The following MMP16 variants were observed in gnomAD, a reference collection of about 807,000 sequenced individuals.
MMP16 encodes matrix metalloproteinase-16.
Under a neutral mutation model 67.8 loss-of-function variants are expected in MMP16, and 12 were observed. The observed-to-expected ratio is 0.18, with a 90% confidence interval of 0.11 to 0.29. The LOEUF (loss-of-function observed/expected upper bound fraction) is 0.29, where lower values mean the gene tolerates loss of function less well. MMP16 is among the 10% of genes least tolerant of loss of function. MMP16 has a pLI of 1.00. For missense variants in MMP16, 475 were observed against 765.7 expected (o/e 0.62, Z 4.48); for synonymous variants, 249 against 255.9 (o/e 0.97, Z 0.26).
rs9773121 is a variant in MMP16, at chr8:88,223,879, A to T, written c.133-26573T>A. Among the ~76,000 whole-genome samples the T allele has an allele frequency of 2.0e-3, 308 of 152,140 alleles. 2 individuals carry two copies. The highest frequency in any genetic ancestry group is 5.6e-3 in the South Asian group (27 of 4,810). On this transcript the variant is annotated intron_variant, in intron 1 of 9. Coordinates refer to ENST00000286614, the MANE Select transcript of MMP16 (RefSeq NM_005941.5). ...GAAAATATTTTACCAGGAAATATTG[A>T]TATGGACCTGAAAAGTGGGAGAGTT...
intron 6 of MMP16, among the ~76,000 whole-genome samples, chr8:88,115,206 A>C (rs1399399894): frequency 1.3e-5 from 2 of 152,034 alleles, no homozygotes; most frequent in East Asian, 3.9e-4. Flanking sequence ...AGTTTTCATC[A>C]GGTGTCTTTT....
intron 4 of MMP16, among the ~76,000 whole-genome samples, chr8:88,165,790 T>C (rs1408960769): frequency 1.3e-5 from 2 of 152,038 alleles, no homozygotes; most frequent in Non-Finnish European, 2.9e-5. Flanking sequence ...ATATAAACTA[T>C]ATGGTAAAAA....
chr8:88,076,609 T>C (rs527807980), intron 6 of MMP16, among the ~76,000 whole-genome samples: 1 of 152,130 alleles, frequency 6.6e-6, no homozygotes, highest in Non-Finnish European at 1.5e-5. Context: ...CAGATAAATA[T>C]ACAGGGGCAT....
At chr8:88,259,176 T>G (rs1321643907) in intron 1 of MMP16, among the ~76,000 whole-genome samples, 1 of 152,144 alleles carries the variant, frequency 6.6e-6, no homozygotes, top group Non-Finnish European at 1.5e-5. Flanking sequence ...TGGAGAGCAA[T>G]AGCTACCTAT....
chr8:88,274,220 A>C (rs1264779773), intron 1 of MMP16, among the ~76,000 whole-genome samples: 1 of 152,076 alleles, frequency 6.6e-6, no homozygotes, highest in Non-Finnish European at 1.5e-5. Context: ...AGCACAGGAT[A>C]TATGTATAGC....
intron 1 of MMP16, among the ~76,000 whole-genome samples, chr8:88,226,240 C>T (rs1260599134): frequency 9.9e-5 from 15 of 151,822 alleles, no homozygotes; most frequent in Non-Finnish European, 1.8e-4. Context: ...CTGTGTTCTC[C>T]TTTCTATTCT....
intron 4 of MMP16, among the ~76,000 whole-genome samples, chr8:88,137,269 A>G (rs1382100): frequency 0.62 from 94,413 of 151,634 alleles, 30,334 homozygotes; most frequent in African/African-American, 0.78. Context: ...TTAGGACTGT[A>G]AAGGGTCTGA....
chr8:88,080,101 C>T (rs1484091968), intron 6 of MMP16, among the ~76,000 whole-genome samples: 1 of 152,178 alleles, frequency 6.6e-6, no homozygotes, highest in African/African-American at 2.4e-5. Context: ...ACCTACTCCA[C>T]TGTATGATAT....
intron 1 of MMP16, among the ~76,000 whole-genome samples, chr8:88,251,404 A>G (rs1415126130): frequency 6.7e-6 from 1 of 149,362 alleles, no homozygotes; most frequent in East Asian, 2.0e-4. Flanking sequence ...AGGATTCCCT[A>G]TTTAATAAAT....
rs113915197 is a variant in MMP16 at position 88,252,194 on chromosome 8, C to T, written c.133-54888G>A. Among the ~76,000 whole-genome samples the T allele has an allele frequency of 3.5e-3, 522 of 151,164 alleles. 6 individuals are homozygous for T. Among genetic ancestry groups the T allele is most frequent in the African/African-American group, 0.012 (483 of 41,152 alleles). On this transcript the variant is annotated intron_variant, in intron 1 of 9. Coordinates refer to ENST00000286614, the MANE Select transcript of MMP16 (RefSeq NM_005941.5). ...ATGCTGCTATAAAGACACATGCACA[C>T]GTATGTTTATTGCGGCATTATTCAC...
chr8:88,157,412 T>A (rs1247182107), intron 4 of MMP16, among the ~76,000 whole-genome samples: 1 of 151,906 alleles, frequency 6.6e-6, no homozygotes, highest in Non-Finnish European at 1.5e-5. Flanking sequence ...TGCATCTCGG[T>A]GTCTGCAGGG....
chr8:88,289,787 C>T (rs1005148603), intron 1 of MMP16, among the ~76,000 whole-genome samples: 2 of 151,242 alleles, frequency 1.3e-5, no homozygotes, highest in African/African-American at 4.9e-5. Context: ...ATTCCATTTT[C>T]CTCTTTTTTA....
At chr8:88,090,626 C>T (rs148125082) in intron 6 of MMP16, among the ~76,000 whole-genome samples, 30 of 151,222 alleles carry the variant, frequency 2.0e-4, no homozygotes, top group African/African-American at 6.8e-4. Flanking sequence ...ATTGTCAATT[C>T]TTTGACAATT....
intron 1 of MMP16, among the ~76,000 whole-genome samples, chr8:88,227,218 A>G (rs1809784918): frequency 6.6e-6 from 1 of 152,078 alleles, no homozygotes; most frequent in South Asian, 2.1e-4. Context: ...AAGGAAAATA[A>G]CTTAAATTCT....
intron 6 of MMP16, among the ~76,000 whole-genome samples, chr8:88,075,665 TA>T (rs1006960208): frequency 6.6e-6 from 1 of 152,148 alleles, no homozygotes; most frequent in African/African-American, 2.4e-5. Context: ...AGGTGTATTT[TA>T]AAAATTGATT....
chr8:88,174,051 A>T (rs1309968885), intron 3 of MMP16, among the ~76,000 whole-genome samples: 3 of 151,796 alleles, frequency 2.0e-5, no homozygotes, highest in Admixed American at 6.6e-5. Flanking sequence ...GTAGGCATTT[A>T]AAAAAAATTA....
intron 4 of MMP16, among the ~76,000 whole-genome samples, chr8:88,137,404 T>C (rs988731045): frequency 6.6e-6 from 1 of 152,004 alleles, no homozygotes; most frequent in African/African-American, 2.4e-5. Context: ...AAGCTGTCAA[T>C]ATCACTGTCT....
intron 6 of MMP16, among the ~76,000 whole-genome samples, chr8:88,095,083 G>A (rs1412471953): frequency 6.6e-6 from 1 of 151,748 alleles, no homozygotes; most frequent in Non-Finnish European, 1.5e-5. Flanking sequence ...AAAAATACAA[G>A]GCACCGCTCT....
At chr8:88,169,522 C>A (rs1435666500) in intron 3 of MMP16, among the ~76,000 whole-genome samples, 1 of 152,074 alleles carries the variant, frequency 6.6e-6, no homozygotes, top group South Asian at 2.1e-4. Context: ...AACTCTTTTG[C>A]CTTAAATTCT....
Sources: gnomAD v4.1 joint callset for allele counts (sites outside exome capture counted in the v4.1 genomes callset) on GRCh38, gnomAD v4.1.1 for gene constraint, MANE v1.5 for transcripts, NCBI Gene and HGNC (gene_info 2026-07-23, HGNC 2026-07-21) for gene names.